The following LRP1B variants were observed in gnomAD, a reference collection of about 807,000 sequenced individuals.
The protein encoded by LRP1B is low-density lipoprotein receptor-related protein 1B.
LRP1B carries 217 observed loss-of-function variants against 556.6 expected under a neutral mutation model. That is an observed-to-expected ratio of 0.39 (90% CI 0.35 to 0.44). The LOEUF is 0.44. LRP1B is among the 20% of genes least tolerant of loss of function. The probability of loss-of-function intolerance (pLI) is 1.00; values close to 1 mark genes in which losing one functional copy is unlikely to be tolerated. For synonymous variants in LRP1B, 2,047 were observed against 1,865.8 expected, an observed-to-expected ratio of 1.10 and a Z score of -2.50; for missense variants, 5,053 against 5,620.8, an observed-to-expected ratio of 0.90 and a Z score of 3.23.
chr2:142,024,297 T>C (rs1269094678), intron 1 of LRP1B, among the ~76,000 whole-genome samples: 1 of 152,222 alleles, frequency 6.6e-6, no homozygotes, highest in Non-Finnish European at 1.5e-5. Flanking sequence ...TCAGCAAAGC[T>C]TCACGTTTCA....
At chr2:141,818,688 C>T (rs1696647578) in intron 1 of LRP1B, among the ~76,000 whole-genome samples, 1 of 151,392 alleles carries the variant, frequency 6.6e-6, no homozygotes, top group Admixed American at 6.6e-5. Flanking sequence ...AGGCGCCTGC[C>T]ACCACACCTG....
intron 1 of LRP1B, among the ~76,000 whole-genome samples, chr2:141,938,436 A>G (rs1410229286): frequency 6.6e-6 from 1 of 152,164 alleles, no homozygotes. Context: ...AGAAGATAAG[A>G]GATAAATGTT....
At chr2:140,719,788 T>C (rs761718287) in intron 35 of LRP1B, among the ~76,000 whole-genome samples, 1 of 152,062 alleles carries the variant, frequency 6.6e-6, no homozygotes, top group Non-Finnish European at 1.5e-5. Context: ...AAATTAATCA[T>C]GTGATGATGC....
At chr2:142,069,087 T>G (rs1705218227) in intron 1 of LRP1B, among the ~76,000 whole-genome samples, 1 of 151,428 alleles carries the variant, frequency 6.6e-6, no homozygotes, top group Non-Finnish European at 1.5e-5. Context: ...GTATTTTTAA[T>G]TATTAGGTCA....
intron 7 of LRP1B, among the ~76,000 whole-genome samples, chr2:141,091,951 A>T (rs142829672): frequency 0.014 from 2,201 of 152,280 alleles, 24 homozygotes; most frequent in South Asian, 0.036. Context: ...GAATCACCAA[A>T]AATTGGGTAA....
intron 41 of LRP1B, among the ~76,000 whole-genome samples, chr2:140,620,867 TC>T (rs1484898594): frequency 6.6e-6 from 1 of 152,148 alleles, no homozygotes; most frequent in Non-Finnish European, 1.5e-5. Context: ...TATCCTGAAC[TC>T]TAAAATTAAC....
intron 25 of LRP1B, among the ~76,000 whole-genome samples, chr2:140,883,256 T>C (rs906941547): frequency 6.6e-6 from 1 of 152,166 alleles, no homozygotes; most frequent in Admixed American, 6.5e-5. Flanking sequence ...TTACTCAACA[T>C]TGAACCTTGT....
At chr2:141,015,582 G>T in intron 13 of LRP1B, 114 bp downstream of exon 13, 1 of 838,126 alleles carries the variant, frequency 1.2e-6, no homozygotes, top group Non-Finnish European at 1.8e-6. Flanking sequence ...GGAGACTATT[G>T]GCAGCCACCT....
At chr2:140,385,438 T>C (rs1414781633) in intron 67 of LRP1B, among the ~76,000 whole-genome samples, 1 of 152,166 alleles carries the variant, frequency 6.6e-6, no homozygotes, top group Non-Finnish European at 1.5e-5. Context: ...CCTGAATATA[T>C]AAGGTGTTGA....
intron 75 of LRP1B, among the ~76,000 whole-genome samples, chr2:140,355,726 G>A (rs1258705054): frequency 6.6e-6 from 1 of 151,948 alleles, no homozygotes; most frequent in Non-Finnish European, 1.5e-5. Flanking sequence ...GAAACTTGCA[G>A]AAAGTGCATA....
chr2:140,779,755 AGT>A (rs70988440), intron 32 of LRP1B, among the ~76,000 whole-genome samples: 59 of 135,348 alleles, frequency 4.4e-4, no homozygotes, highest in African/African-American at 1.2e-3. Flanking sequence ...TCTGTGAGAG[AGT>A]GTGTGTGTGT....
chr2:141,547,393 A>G (rs1158456111), intron 2 of LRP1B, among the ~76,000 whole-genome samples: 1 of 151,986 alleles, frequency 6.6e-6, no homozygotes, highest in Non-Finnish European at 1.5e-5. Context: ...TTCTTTCCAC[A>G]CTGCAAGCAG....
intron 1 of LRP1B, among the ~76,000 whole-genome samples, chr2:141,949,950 G>T (rs1217784185): frequency 6.6e-6 from 1 of 152,096 alleles, no homozygotes; most frequent in Non-Finnish European, 1.5e-5. Flanking sequence ...CAATAAGATT[G>T]GAATTCAGCA....
chr2:142,093,377 A>G (rs1052227856), intron 1 of LRP1B, among the ~76,000 whole-genome samples: 4 of 152,142 alleles, frequency 2.6e-5, no homozygotes, highest in Admixed American at 6.6e-5. Flanking sequence ...ATCACAAAAA[A>G]TTAACCTTTA....
At position 140,534,080 on chromosome 2, in the gene LRP1B, C is replaced by T. The variant is rs1444703664; in HGVS notation, c.7703G>A (p.Gly2568Asp). ...PCYNRRCIPHGKLCDGENDCG... is the reference protein window; with the variant it reads ...PCYNRRCIPHDKLCDGENDCG... The stretch of plus-strand genomic sequence containing the variant: ...GTCATTTTCTCCATCACATAACTTG[C>T]CATGAGGAATGCAGCGGCGATTATA... The change falls in exon 47 of 91, where the codon GGC (glycine) becomes GAC (aspartate). Residue 2568 changes from glycine to aspartate, a missense_variant. This residue lies in a region of LRP1B where 3,619 missense variants were observed against 3,931.9 expected (regional missense o/e 0.92). Coordinates refer to ENST00000389484, the MANE Select transcript of LRP1B (RefSeq NM_018557.3). The T allele has an allele frequency of 1.2e-6, 2 of 1,613,364 alleles. No individual in the cohort carries two copies. Among genetic ancestry groups the T allele is most frequent in the Non-Finnish European group, 1.7e-6 (2 of 1,179,536 alleles).
chr2:140,669,226 T>A lies in LRP1B; in HGVS notation c.6799+31024A>T, dbSNP rs555649256. ...ATTAATACCTGTTATCTGGCTCTTA[T>A]AGGGATATAAAAAAAATAATGAGAC... On this transcript the variant is annotated intron_variant, in intron 41 of 90. Transcript: ENST00000389484. Among the ~76,000 whole-genome samples the A allele has an allele frequency of 1.8e-4, 27 of 152,280 alleles. 2 individuals carry two copies. In the South Asian group the frequency reaches 5.4e-3, roughly 30 times the overall value.
chr2:141,434,820 A>G (rs1573941672), intron 3 of LRP1B, among the ~76,000 whole-genome samples: 1 of 152,110 alleles, frequency 6.6e-6, no homozygotes, highest in South Asian at 2.1e-4. Context: ...TGAAAACTCT[A>G]TTCCCCCAGT....
At chr2:141,295,587 T>C (rs1447848406) in intron 3 of LRP1B, among the ~76,000 whole-genome samples, 2 of 152,130 alleles carry the variant, frequency 1.3e-5, no homozygotes, top group South Asian at 2.1e-4. Flanking sequence ...AACTCTACCT[T>C]GATCTGTTGA....
chr2:141,942,942 T>C (rs1456576371), intron 1 of LRP1B, among the ~76,000 whole-genome samples: 1 of 152,230 alleles, frequency 6.6e-6, no homozygotes, highest in African/African-American at 2.4e-5. Flanking sequence ...GTCTTAGAAT[T>C]GCTCTTTAAC....
Sources: gnomAD v4.1 joint callset for allele counts (sites outside exome capture counted in the v4.1 genomes callset) on GRCh38, gnomAD v4.1.1 for gene constraint, gnomAD v4.1.1 regional missense constraint, MANE v1.5 for transcripts, NCBI Gene and HGNC (gene_info 2026-07-23, HGNC 2026-07-21) for gene names.